The following CAMTA1 variants were observed in gnomAD, a reference collection of about 807,000 sequenced individuals.
CAMTA1 encodes the protein calmodulin binding transcription activator 1.
A neutral mutation model predicts 170.9 loss-of-function variants in CAMTA1; 27 were observed. The observed-to-expected ratio is 0.16, with a 90% CI of 0.12 to 0.22. CAMTA1 has a LOEUF of 0.22. Among genes scored for constraint, CAMTA1 ranks in the 10% least tolerant of loss-of-function variants. The probability of loss-of-function intolerance (pLI) is 1.00; values close to 1 mark genes in which losing one functional copy is unlikely to be tolerated. For missense variants in CAMTA1, 1,619 were observed against 2,217.2 expected, an observed-to-expected ratio of 0.73 and a Z score of 5.42; for synonymous variants, 833 against 891.5, an observed-to-expected ratio of 0.93 and a Z score of 1.17.
intron 6 of CAMTA1, among the ~76,000 whole-genome samples, chr1:7,488,532 A>G (rs2093650314): frequency 6.6e-6 from 1 of 152,092 alleles, no homozygotes; most frequent in East Asian, 1.9e-4. Flanking sequence ...CACACAATAC[A>G]CATGCACACA....
At chr1:6,844,718 T>C (rs1483073507) in intron 3 of CAMTA1, among the ~76,000 whole-genome samples, 1 of 148,366 alleles carries the variant, frequency 6.7e-6, no homozygotes, top group African/African-American at 2.5e-5. Flanking sequence ...AAAAAAAGTT[T>C]ACTGAAATGG....
chr1:7,069,007 C>T (rs1364849156), intron 3 of CAMTA1, among the ~76,000 whole-genome samples: 2 of 152,214 alleles, frequency 1.3e-5, no homozygotes, highest in Non-Finnish European at 2.9e-5. Context: ...AAGCTGGACG[C>T]AGGCCTGGCC....
rs116430308 is a variant in CAMTA1 at position 7,360,980 on chromosome 1, G to A, written c.439-106850G>A. Among the ~76,000 whole-genome samples the A allele has an allele frequency of 6.8e-3, 1,041 of 152,350 alleles. 5 individuals are homozygous for A. Among genetic ancestry groups the A allele is most frequent in the African/African-American group, 0.011 (442 of 41,574 alleles). ...CTGGGTGGCTGGTAGAGCAGCCATT[G>A]TTAATGGACTTGTCCCTGGAAAACG... On this transcript the variant is annotated intron_variant, in intron 5 of 22. Transcript: ENST00000303635.
At chr1:7,315,701 C>T (rs1029093272) in intron 5 of CAMTA1, among the ~76,000 whole-genome samples, 2 of 152,152 alleles carry the variant, frequency 1.3e-5, no homozygotes, top group African/African-American at 2.4e-5. Flanking sequence ...AAAATCAAAG[C>T]GTGGGCAGGG....
chr1:7,268,386 A>G (rs888791111), intron 5 of CAMTA1, among the ~76,000 whole-genome samples: 4 of 152,220 alleles, frequency 2.6e-5, no homozygotes, highest in African/African-American at 9.6e-5. Flanking sequence ...AAAGACAACC[A>G]CTGTGGGCCA....
chr1:7,567,736 G>T (rs187258723), intron 6 of CAMTA1, among the ~76,000 whole-genome samples: 57 of 152,264 alleles, frequency 3.7e-4, no homozygotes, highest in African/African-American at 1.3e-3. Context: ...AAGATGCTGG[G>T]GTGATTCAGA....
In CAMTA1 at chr1:7,714,832, T is replaced by G. The variant is rs2096597142; in HGVS notation, c.2915-17616T>G. On this transcript the variant is annotated intron_variant, in intron 11 of 22. Coordinates refer to ENST00000303635, the MANE Select transcript of CAMTA1 (RefSeq NM_015215.4). ...CCACCACGTTTGGCCCACAGCATCC[T>G]TCTTATTAGGACCTATGGGAGAAAT... 1.3e-5 allele frequency among the ~76,000 whole-genome samples: 2 copies of G among 152,152 alleles called. 1 individual carries two copies. Among genetic ancestry groups the G allele is most frequent in the South Asian group, 4.1e-4 (2 of 4,826 alleles).
chr1:7,379,714 C>T (rs1351245549), intron 5 of CAMTA1, among the ~76,000 whole-genome samples: 1 of 152,212 alleles, frequency 6.6e-6, no homozygotes, highest in Non-Finnish European at 1.5e-5. Context: ...AACTGGCAGG[C>T]AGCATTAAAA....
At position 7,670,883 on chromosome 1, in the gene CAMTA1, ACTCTGTTCCCCT is replaced by A; in HGVS notation, c.2653-19_2653-8del. The A allele has an allele frequency of 6.2e-7, 1 of 1,611,922 alleles. No homozygotes were observed. ...GCCTCCCACAGTGGCTCACACTCCA[ACTCTGTTCCCCT>A]CTCTGTTCTCTGCAGGGAGGAGTGA... On this transcript the variant is annotated splice_polypyrimidine_tract_variant and intron_variant, in intron 9 of 22. Coordinates refer to ENST00000303635, the MANE Select transcript of CAMTA1 (RefSeq NM_015215.4).
In CAMTA1 at chr1:7,010,729, C is replaced by T. The variant is rs1013218622; in HGVS notation, c.235-80575C>T. 3.3e-5 allele frequency among the ~76,000 whole-genome samples: 5 copies of T among 152,210 alleles called. No homozygotes were observed. The highest frequency in any genetic ancestry group is 4.8e-5 in the African/African-American group (2 of 41,468). On this transcript the variant is annotated intron_variant, in intron 3 of 22. Transcript: ENST00000303635. This position sits in a 1 kb window ranked among gnomAD's most constrained non-coding sequence, Gnocchi z 4.4. ...CCACACCCACCCTCACTGCCACCCC[C>T]AGCCCCAGCCTTCCTTTGTGCCCGT... is the stretch of plus-strand genomic sequence containing the variant.
At chr1:7,425,001 G>A (rs1286249012) in intron 5 of CAMTA1, among the ~76,000 whole-genome samples, 1 of 152,128 alleles carries the variant, frequency 6.6e-6, no homozygotes, top group Admixed American at 6.5e-5. Context: ...TTCCAGGGGG[G>A]CTCGGGGAAT....
At chr1:6,892,592 CTTTTCTTTTTTTT>C (rs1674738833) in intron 3 of CAMTA1, among the ~76,000 whole-genome samples, 1 of 120,682 alleles carries the variant, frequency 8.3e-6, no homozygotes, top group Non-Finnish European at 1.8e-5. Flanking sequence ...AAATTTTTTT[CTTTTCTTTTTTTT>C]TTTTTTTTTG....
chr1:7,150,690 G>A (rs578062091), intron 4 of CAMTA1, among the ~76,000 whole-genome samples: 23 of 152,066 alleles, frequency 1.5e-4, no homozygotes, highest in Middle Eastern at 3.4e-3. Flanking sequence ...TGTAACTCTC[G>A]GCATGTTTAG....
intron 5 of CAMTA1, among the ~76,000 whole-genome samples, chr1:7,277,565 A>G (rs886995980): frequency 5.9e-5 from 9 of 151,844 alleles, no homozygotes; most frequent in African/African-American, 2.2e-4. Context: ...GTTTCCCAAG[A>G]AGGCCCTCCA....
intron 6 of CAMTA1, among the ~76,000 whole-genome samples, chr1:7,589,115 C>G (rs901185665): frequency 1.3e-5 from 2 of 152,186 alleles, no homozygotes; most frequent in Admixed American, 1.3e-4. Flanking sequence ...CACATTTCCC[C>G]CTTCTGGAGA....
At chr1:7,457,450 G>A (rs1029767539) in intron 5 of CAMTA1, among the ~76,000 whole-genome samples, 7 of 151,772 alleles carry the variant, frequency 4.6e-5, no homozygotes, top group African/African-American at 9.7e-5. Flanking sequence ...GCAGAGGCAC[G>A]GGTGCCAGCC....
At chr1:6,963,301 G>A (rs1406510872) in intron 3 of CAMTA1, among the ~76,000 whole-genome samples, 3 of 37,346 alleles carry the variant, frequency 8.0e-5, no homozygotes, top group African/African-American at 2.7e-4. Flanking sequence ...TTCCATCCCG[G>A]CCTTGCCCTG....
At chr1:7,290,834 G>A (rs951757173) in intron 5 of CAMTA1, among the ~76,000 whole-genome samples, 1 of 151,858 alleles carries the variant, frequency 6.6e-6, no homozygotes, top group African/African-American at 2.4e-5. Flanking sequence ...TTATTCCATC[G>A]ATACTTTTAC....
At chr1:7,518,920 C>T (rs1196744085) in intron 6 of CAMTA1, among the ~76,000 whole-genome samples, 1 of 151,964 alleles carries the variant, frequency 6.6e-6, no homozygotes, top group Non-Finnish European at 1.5e-5. Flanking sequence ...AGCCCCAGTA[C>T]TTGGGATGGC....
Sources: allele counts gnomAD v4.1 joint callset (sites outside exome capture counted in the v4.1 genomes callset), GRCh38; gene constraint gnomAD v4.1.1; non-coding constraint Gnocchi (gnomAD v3.1); transcripts MANE v1.5; gene names NCBI Gene and HGNC (gene_info 2026-07-23, HGNC 2026-07-21).